ASB5: variants seen among roughly 807,000 people sequenced by gnomAD.
ASB5 encodes the protein ankyrin repeat and SOCS box protein 5.
ASB5 carries 45 observed loss-of-function variants against 42.1 expected under a neutral mutation model. The ratio of observed to expected loss-of-function variants is 1.07; its 90% CI spans 0.84 to 1.37. The LOEUF (loss-of-function observed/expected upper bound fraction) is 1.37, where lower values mean the gene tolerates loss of function less well. Among genes scored for constraint, ASB5 ranks in the 40% most tolerant of loss-of-function variants. The probability of loss-of-function intolerance (pLI) is 0.00; values close to 1 mark genes in which losing one functional copy is unlikely to be tolerated. For synonymous variants in ASB5, 147 were observed against 150.6 expected, an observed-to-expected ratio of 0.98 and a Z score of 0.18; for missense variants, 402 against 399.8, an observed-to-expected ratio of 1.01 and a Z score of -0.05.
At chr4:176,238,525 T>C (rs990284646) in intron 1 of ASB5, among the ~76,000 whole-genome samples, 9 of 152,172 alleles carry the variant, frequency 5.9e-5, no homozygotes, top group Non-Finnish European at 1.3e-4. Context: ...GAGTCTATGA[T>C]GGAATCAAGA....
At chr4:176,243,294 T>G (rs1753847629) in intron 1 of ASB5, among the ~76,000 whole-genome samples, 1 of 152,126 alleles carries the variant, frequency 6.6e-6, no homozygotes, top group Non-Finnish European at 1.5e-5. Context: ...TTTAAATTCT[T>G]CTACATGTTT....
At position 176,269,141 on chromosome 4, in the gene ASB5, G is replaced by A; in HGVS notation, c.-33C>T. 6.3e-7 allele frequency: 1 copy of A among 1,587,216 alleles called. No individual in the cohort carries two copies. Among genetic ancestry groups the A allele is most frequent in the South Asian group, 1.1e-5 (1 of 87,808 alleles). Reference sequence around the variant, plus strand: ...GAAGAATCTGCGGCGGTCTTTAGTTGGATCCAAGTCTCAAATGTGCCTGGC... The same window carrying A: ...GAAGAATCTGCGGCGGTCTTTAGTTAGATCCAAGTCTCAAATGTGCCTGGC... On this transcript the variant is annotated 5_prime_UTR_variant, in exon 1 of 7. Transcript: ENST00000296525.
intron 1 of ASB5, chr4:176,241,799 G>T: frequency 1.8e-6 from 1 of 552,980 alleles, no homozygotes; most frequent in Non-Finnish European, 2.6e-6. Flanking sequence ...AAGGTTGCTG[G>T]GAAACTACAG....
rs71597433 is a variant in ASB5, at chr4:176,219,575, GATATATATAT to G, written c.670+1570_670+1579del. ...TATATAAATATGTATATATTTGTATGATATATATATATATATATATATATATATATATATA... is the reference window on the plus strand; with the variant it reads ...TATATAAATATGTATATATTTGTATGATATATATATATATATATATATATA... On this transcript the variant is annotated intron_variant, in intron 5 of 6. Coordinates refer to ENST00000296525, the MANE Select transcript of ASB5 (RefSeq NM_080874.4). 8.5e-3 allele frequency among the ~76,000 whole-genome samples: 51 copies of G among 5,998 alleles called. 5 individuals are homozygous for G. In the South Asian group the frequency reaches 0.12, roughly 14 times the overall value. 3.9% of individuals were successfully genotyped at this position (5,998 alleles called of 152,430 possible).
At chr4:176,273,396 T>C (rs1270903680), upstream of ASB5, among the ~76,000 whole-genome samples, 1 of 152,162 alleles carries the variant, frequency 6.6e-6, no homozygotes, top group Non-Finnish European at 1.5e-5. Flanking sequence ...ATATATTCAC[T>C]ATTGCATTTA....
chr4:176,224,221 A>ATTTT (rs869080360), intron 2 of ASB5, among the ~76,000 whole-genome samples: 3,521 of 87,194 alleles, frequency 0.04, 453 homozygotes, highest in South Asian at 0.17. Flanking sequence ...TGTGCATTTG[A>ATTTT]TTTTTTTTTT....
At chr4:176,233,051 A>G (rs568773273) in intron 1 of ASB5, among the ~76,000 whole-genome samples, 1 of 152,326 alleles carries the variant, frequency 6.6e-6, no homozygotes, top group Non-Finnish European at 1.5e-5. Context: ...TGTAAAAACA[A>G]GGATGAGTCT....
chr4:176,220,254 C>T (rs768882553), intron 5 of ASB5, among the ~76,000 whole-genome samples: 11 of 152,082 alleles, frequency 7.2e-5, no homozygotes, highest in Non-Finnish European at 1.5e-4. Flanking sequence ...ATGTCTAAGA[C>T]TGAGTAGGTG....
chr4:176,273,788 G>C (rs565921001), upstream of ASB5, among the ~76,000 whole-genome samples: 11 of 152,230 alleles, frequency 7.2e-5, no homozygotes, highest in Non-Finnish European at 1.5e-4. Flanking sequence ...TTGGCTGAAA[G>C]CTGGTAGTTC....
At chr4:176,227,678 T>C (rs1753417490) in intron 1 of ASB5, among the ~76,000 whole-genome samples, 1 of 152,130 alleles carries the variant, frequency 6.6e-6, no homozygotes, top group Admixed American at 6.6e-5. Flanking sequence ...TTAAATAACT[T>C]GCCTAAGGTC....
chr4:176,216,088 C>G (rs1752961744), intron 6 of ASB5, among the ~76,000 whole-genome samples: 1 of 151,396 alleles, frequency 6.6e-6, no homozygotes, highest in Admixed American at 6.6e-5. Context: ...TAATATTTAC[C>G]CTAAAAGAAA....
chr4:176,239,247 C>G (rs7665044), intron 1 of ASB5, among the ~76,000 whole-genome samples: 45,166 of 152,028 alleles, frequency 0.3, 8,123 homozygotes, highest in Non-Finnish European at 0.4. Flanking sequence ...GTACGGTAAT[C>G]TACACAAACC....
At chr4:176,246,063 A>G (rs1048560797) in intron 1 of ASB5, among the ~76,000 whole-genome samples, 7 of 151,964 alleles carry the variant, frequency 4.6e-5, no homozygotes, top group Non-Finnish European at 1.0e-4. Context: ...AATTACACAG[A>G]TAAAAAAAAA....
chr4:176,253,936 T>C (rs908861336), intron 1 of ASB5, among the ~76,000 whole-genome samples: 3 of 152,210 alleles, frequency 2.0e-5, no homozygotes, highest in East Asian at 1.9e-4. Context: ...AAAAATTCCA[T>C]GCTCGTGGAT....
At chr4:176,248,618 T>G (rs1753957077) in intron 1 of ASB5, among the ~76,000 whole-genome samples, 1 of 152,194 alleles carries the variant, frequency 6.6e-6, no homozygotes, top group Non-Finnish European at 1.5e-5. Context: ...GAAATATTGT[T>G]CATAATTGCC....
Position 176,268,912 on chromosome 4 carries a change from C to T in ASB5, c.196+1G>A, listed in dbSNP as rs140022529. On this transcript the variant is annotated splice_donor_variant, in intron 1 of 6. Coordinates refer to ENST00000296525, the MANE Select transcript of ASB5 (RefSeq NM_080874.4). LOFTEE classifies it high-confidence loss of function. ...ACAAGAGAGGATTATCATAAACATACCTTGTCCTTGGGTTACTCCATAAAA... is the reference window on the plus strand; with the variant it reads ...ACAAGAGAGGATTATCATAAACATATCTTGTCCTTGGGTTACTCCATAAAA... The T allele has an allele frequency of 1.4e-5, 23 of 1,604,486 alleles. No homozygotes were observed. The highest frequency in any genetic ancestry group is 3.4e-4 in the Middle Eastern group (2 of 5,916).
chr4:176,219,191 AAT>A (rs1343562708), intron 5 of ASB5, among the ~76,000 whole-genome samples: 5 of 118,734 alleles, frequency 4.2e-5, no homozygotes, highest in Admixed American at 1.0e-4. Context: ...ATGACATATA[AAT>A]ATATATATTT....
At chr4:176,265,591 A>G (rs1040354828) in intron 1 of ASB5, among the ~76,000 whole-genome samples, 13 of 152,222 alleles carry the variant, frequency 8.5e-5, no homozygotes, top group African/African-American at 2.9e-4. Flanking sequence ...TCTAAGACAG[A>G]ACTTAAAAAG....
In ASB5 at chr4:176,215,717, G is replaced by C; in HGVS notation, c.873C>G (p.Ser291Arg). 1.9e-6 allele frequency: 3 copies of C among 1,610,312 alleles called. No homozygotes were observed. Among genetic ancestry groups the C allele is most frequent in the Non-Finnish European group, 2.5e-6 (3 of 1,178,458 alleles). Residue 291 changes from serine (S) to arginine (R), a missense_variant, in exon 7 of 7, where the codon AGC becomes AGG. Coordinates refer to ENST00000296525, the MANE Select transcript of ASB5 (RefSeq NM_080874.4). ...RILLQHEATPSSLYQLCRLCI... is the reference protein window; with the variant it reads ...RILLQHEATPRSLYQLCRLCI... ...AGAGTCGGCAAAGTTGGTAAAGAGA[G>C]CTTGGGGTAGCTACAAGAAGACATG... is the stretch of plus-strand genomic sequence containing the variant.
Sources: allele counts gnomAD v4.1 joint callset (sites outside exome capture counted in the v4.1 genomes callset), GRCh38; gene constraint gnomAD v4.1.1; transcripts MANE v1.5; gene names NCBI Gene and HGNC (gene_info 2026-07-23, HGNC 2026-07-21).